UBR3: variants seen among roughly 807,000 people sequenced by gnomAD.
The protein encoded by UBR3 is ubiquitin protein ligase E3 component n-recognin 3, also known as E3 ubiquitin-protein ligase UBR3.
UBR3 carries 85 observed loss-of-function variants against 243.2 expected under a neutral mutation model. That is an observed-to-expected ratio of 0.35 (90% confidence interval 0.29 to 0.42). The LOEUF (loss-of-function observed/expected upper bound fraction) is 0.42. UBR3 is among the 10% of genes least tolerant of loss of function. The probability of loss-of-function intolerance (pLI) is 1.00; values close to 1 mark genes in which losing one functional copy is unlikely to be tolerated. For synonymous variants in UBR3, 748 were observed against 799.8 expected, an observed-to-expected ratio of 0.94 and a Z score of 1.09; for missense variants, 1,686 against 2,300.8, an observed-to-expected ratio of 0.73 and a Z score of 5.47.
intron 11 of UBR3, among the ~76,000 whole-genome samples, chr2:169,916,387 C>G (rs1250279596): frequency 2.0e-5 from 3 of 152,100 alleles, no homozygotes; most frequent in Non-Finnish European, 2.9e-5. Context: ...TCAGTTGCCT[C>G]TCTTTCCCCT....
intron 23 of UBR3, among the ~76,000 whole-genome samples, chr2:169,955,099 A>C (rs1202189418): frequency 2.6e-5 from 4 of 152,158 alleles, no homozygotes; most frequent in Non-Finnish European, 5.9e-5. Context: ...AATGTAAATG[A>C]AGTGTTGCTG....
chr2:169,920,262 A>G (rs1406276512), intron 11 of UBR3, among the ~76,000 whole-genome samples: 2 of 152,188 alleles, frequency 1.3e-5, no homozygotes, highest in African/African-American at 2.4e-5. Flanking sequence ...TGGGAATTGA[A>G]CAATGAGAAC....
chr2:169,909,339 C>G (rs2085157190), intron 10 of UBR3, among the ~76,000 whole-genome samples: 1 of 152,150 alleles, frequency 6.6e-6, no homozygotes, highest in South Asian at 2.1e-4. Flanking sequence ...CTGGAGAAGA[C>G]TGGATTTGAG....
chr2:169,954,617 C>A (rs2087192195), intron 23 of UBR3, among the ~76,000 whole-genome samples: 1 of 150,734 alleles, frequency 6.6e-6, no homozygotes, highest in African/African-American at 2.4e-5. Context: ...TTTCTGTCAC[C>A]CAGGCTGGAG....
chr2:169,882,351 AATATATAT>A lies in UBR3; in HGVS notation c.1038+3778_1038+3785del, dbSNP rs1559054841. ...ATATGTATTATATAATATATATGTAAATATATATTATATATGTAAATATATATTATATA... is the reference window on the plus strand; with the variant it reads ...ATATGTATTATATAATATATATGTAATATATATGTAAATATATATTATATA... On this transcript the variant is annotated intron_variant, in intron 5 of 38. Transcript: ENST00000272793. Among the ~76,000 whole-genome samples the A allele has an allele frequency of 9.5e-3, 258 of 27,208 alleles. 2 individuals are homozygous for A. The highest frequency in any genetic ancestry group is 0.016 in the African/African-American group (248 of 15,786). 17.8% of individuals were successfully genotyped at this position (27,208 alleles called of 152,430 possible).
At chr2:170,071,334 G>C (rs1253599126) in intron 35 of UBR3, among the ~76,000 whole-genome samples, 1 of 152,084 alleles carries the variant, frequency 6.6e-6, no homozygotes, top group Non-Finnish European at 1.5e-5. Context: ...GTGAATGCAT[G>C]AACAAAATGT....
At chr2:169,924,957 C>T (rs904557463) in intron 13 of UBR3, among the ~76,000 whole-genome samples, 1 of 152,272 alleles carries the variant, frequency 6.6e-6, no homozygotes, top group Non-Finnish European at 1.5e-5. Flanking sequence ...TTGCTTGAAC[C>T]TGGGAGACAG....
chr2:169,859,446 C>G (rs1263181794), intron 1 of UBR3, among the ~76,000 whole-genome samples: 1 of 151,994 alleles, frequency 6.6e-6, no homozygotes, highest in East Asian at 1.9e-4. Context: ...TAGTTTTTAA[C>G]GAATTTGGAA....
intron 11 of UBR3, among the ~76,000 whole-genome samples, chr2:169,915,070 A>G (rs2085406710): frequency 6.6e-6 from 1 of 152,182 alleles, no homozygotes; most frequent in Non-Finnish European, 1.5e-5. Flanking sequence ...TATAAAAATC[A>G]TTAATATATT....
intron 27 of UBR3, among the ~76,000 whole-genome samples, chr2:170,003,915 C>T (rs1055514113): frequency 1.3e-5 from 2 of 152,332 alleles, no homozygotes; most frequent in South Asian, 4.1e-4. Flanking sequence ...GCTAGGATTA[C>T]AGGCGTGAGC....
chr2:169,855,295 A>C (rs940629695), intron 1 of UBR3, among the ~76,000 whole-genome samples: 1 of 149,940 alleles, frequency 6.7e-6, no homozygotes, highest in Admixed American at 6.6e-5. Flanking sequence ...GCTAATTTGT[A>C]CTCCTTCCAT....
chr2:169,850,788 G>C (rs909673109), intron 1 of UBR3, among the ~76,000 whole-genome samples: 1 of 151,566 alleles, frequency 6.6e-6, no homozygotes, highest in Admixed American at 6.6e-5. Flanking sequence ...AGCTTGCAGA[G>C]AGCTGAGATT....
intron 1 of UBR3, among the ~76,000 whole-genome samples, chr2:169,842,105 T>C (rs1196799711): frequency 1.3e-5 from 2 of 150,964 alleles, no homozygotes; most frequent in Non-Finnish European, 2.9e-5. Flanking sequence ...CAATCGACAC[T>C]CTGTATCTAG....
intron 2 of UBR3, among the ~76,000 whole-genome samples, chr2:169,873,621 T>C (rs2083500790): frequency 6.6e-6 from 1 of 152,030 alleles, no homozygotes; most frequent in Admixed American, 6.6e-5. Context: ...TGCAGTGAGC[T>C]ATGATTACAT....
At chr2:170,074,544 A>C (rs2091766117) in intron 36 of UBR3, among the ~76,000 whole-genome samples, 1 of 152,140 alleles carries the variant, frequency 6.6e-6, no homozygotes. Flanking sequence ...CCTTGCTCAA[A>C]TCACAAAAGA....
At chr2:169,860,884 G>A (rs983040954) in intron 1 of UBR3, among the ~76,000 whole-genome samples, 4 of 152,144 alleles carry the variant, frequency 2.6e-5, no homozygotes, top group African/African-American at 9.7e-5. Context: ...CCAAAACCTC[G>A]AAAGTAGAGA....
intron 1 of UBR3, among the ~76,000 whole-genome samples, chr2:169,845,212 C>T (rs552639852): frequency 6.6e-6 from 1 of 152,060 alleles, no homozygotes; most frequent in East Asian, 1.9e-4. Context: ...CACTTGAGCT[C>T]AGGAGCTGGA....
chr2:170,050,765 G>T (rs946084126), intron 32 of UBR3, among the ~76,000 whole-genome samples: 2 of 152,092 alleles, frequency 1.3e-5, no homozygotes, highest in African/African-American at 4.8e-5. Flanking sequence ...CTTGTTTCTT[G>T]TAGGTCCCTA....
At position 170,049,998 on chromosome 2, in the gene UBR3, A is replaced by G. The variant is rs181625114; in HGVS notation, c.4661-5462A>G. On this transcript the variant is annotated intron_variant, in intron 32 of 38. Transcript: ENST00000272793. ...TAACACTTATATTGTGATCACTTCT[A>G]TATAATGTTTTTTGAGAATGTTGGC... Among the ~76,000 whole-genome samples the G allele has an allele frequency of 3.3e-5, 5 of 152,294 alleles. No homozygotes were observed. The East Asian group carries it at 9.6e-4, about 29-fold the overall frequency.
Sources: gnomAD v4.1 joint callset for allele counts (sites outside exome capture counted in the v4.1 genomes callset) on GRCh38, gnomAD v4.1.1 for gene constraint, MANE v1.5 for transcripts, NCBI Gene and HGNC (gene_info 2026-07-23, HGNC 2026-07-21) for gene names.